The following CYP2W1 variants were observed in gnomAD, a reference collection of about 807,000 sequenced individuals.
CYP2W1 encodes cytochrome P450 family 2 subfamily W member 1, also known as cytochrome P450 2W1.
Under a neutral mutation model 44.9 loss-of-function variants are expected in CYP2W1, and 51 were observed. The observed-to-expected ratio is 1.14, with a 90% CI of 0.91 to 1.43. CYP2W1 has a LOEUF of 1.43. Ranked by LOEUF, CYP2W1 falls within the 40% of genes most tolerant of loss-of-function variation. The pLI is 0.00. For missense variants in CYP2W1, 746 were observed against 700.0 expected (o/e 1.07, Z -0.74); for synonymous variants, 383 against 338.3 (o/e 1.13, Z -1.45).
intron 1 of CYP2W1, among the ~76,000 whole-genome samples, 159 bp from the exon 2 acceptor site, chr7:984,253 C>A (rs1848147261): frequency 6.6e-6 from 1 of 152,252 alleles, no homozygotes; most frequent in Non-Finnish European, 1.5e-5. Flanking sequence ...GCCCCCTCCA[C>A]CCTGCACCAC....
Position 988,856 on chromosome 7 carries a change from T to C in CYP2W1, c.*34T>C. The C allele has an allele frequency of 7.8e-7, 1 of 1,289,968 alleles. No individual in the cohort carries two copies. The highest frequency in any genetic ancestry group is 1.4e-5 in the South Asian group (1 of 72,396). 79.9% of individuals were successfully genotyped at this position (1,289,968 alleles called of 1,614,324 possible). On this transcript the variant is annotated 3_prime_UTR_variant, in exon 9 of 9. Coordinates refer to ENST00000308919, the MANE Select transcript of CYP2W1 (RefSeq NM_017781.3). ...CCAGCCCCCAGGTCCTCCTGACCAC[T>C]CCCCTCCCAGCCCTGGGTCCTCCCA...
rs541005563 is a variant in CYP2W1, at chr7:987,629, G to A, written c.1143+98G>A. The A allele has an allele frequency of 1.5e-4, 180 of 1,211,192 alleles. No homozygotes were observed. The South Asian group carries it at 2.7e-3, about 18-fold the overall frequency. 75.0% of individuals were successfully genotyped at this position (1,211,192 alleles called of 1,614,324 possible). A position where few individuals can be genotyped will look rare whatever the true frequency, so the allele number is the denominator to read the frequency against. On this transcript the variant is annotated intron_variant, in intron 7 of 8. Coordinates refer to ENST00000308919, the MANE Select transcript of CYP2W1 (RefSeq NM_017781.3). ...ACGGCTGAGCGTCTGGTGGGTGCCTGATGGCCCAGCGCTCCCCGACCGGAG... is the reference window on the plus strand; with the variant it reads ...ACGGCTGAGCGTCTGGTGGGTGCCTAATGGCCCAGCGCTCCCCGACCGGAG...
Position 988,910 on chromosome 7 carries a change from A to G in CYP2W1, c.*88A>G, listed in dbSNP as rs1346258673. On this transcript the variant is annotated 3_prime_UTR_variant, in exon 9 of 9. Transcript: ENST00000308919. ...TCTCTCCTCCCACCCCACAGCTCGGACTGCTCTGGGAGGGCCCTGAGGACT... is the reference window on the plus strand; with the variant it reads ...TCTCTCCTCCCACCCCACAGCTCGGGCTGCTCTGGGAGGGCCCTGAGGACT... The G allele has an allele frequency of 8.3e-6, 7 of 846,396 alleles. No individual in the cohort carries two copies. The highest frequency in any genetic ancestry group is 1.7e-5 in the South Asian group (1 of 58,348). The allele number at this position is 846,396 out of a possible 1,614,324, so 52.4% of individuals were successfully genotyped here.
chr7:988,514 G>C, intron 8 of CYP2W1, 96 bp downstream of exon 8: 1 of 1,598,928 alleles, frequency 6.3e-7, no homozygotes, highest in Non-Finnish European at 8.5e-7. Context: ...CCCACCTCCT[G>C]ATCTCAGGTT....
chr7:985,475 C>T (rs1405329956), intron 4 of CYP2W1, 152 bp downstream of exon 4: 1 of 918,236 alleles, frequency 1.1e-6, no homozygotes, highest in Non-Finnish European at 1.6e-6. Context: ...AATCAGGACC[C>T]ATCCGACGTT....
rs991930893 is a variant in CYP2W1 at position 985,237 on chromosome 7, C to T, written c.559C>T (p.Arg187Ter). 6 of 1,552,826 alleles carry T rather than the reference C, an allele frequency of 3.9e-6. No individual in the cohort carries two copies. Among genetic ancestry groups the T allele is most frequent in the African/African-American group, 2.7e-5 (2 of 73,250 alleles). ...NITFALLFGR[R>*]FDYRDPVFVS... ...CACCTTCGCGCTCCTCTTCGGCCGC[C>T]GATTTGACTACCGGGACCCCGTGTT... Residue 187 changes from arginine to a stop codon, truncating the protein, a stop_gained, in exon 4 of 9, where the codon CGA becomes TGA. Coordinates refer to ENST00000308919, the MANE Select transcript of CYP2W1 (RefSeq NM_017781.3). LOFTEE classifies it high-confidence loss of function.
At chr7:983,751 C>T (rs537372030) in intron 1 of CYP2W1, among the ~76,000 whole-genome samples, 2 of 152,358 alleles carry the variant, frequency 1.3e-5, no homozygotes, top group Admixed American at 6.5e-5. Context: ...CAGCCCCCCT[C>T]GGCCCTCAGG....
intron 4 of CYP2W1, 77 bp from the exon 5 acceptor site, chr7:986,547 T>C: frequency 6.5e-7 from 1 of 1,546,754 alleles, no homozygotes; most frequent in Non-Finnish European, 8.8e-7. Context: ...ACACAGCCGC[T>C]GGGGACGATC....
Position 983,241 on chromosome 7 carries a change from C to A in CYP2W1, c.30C>A (p.Gly10=). 6.5e-7 allele frequency: 1 copy of A among 1,529,592 alleles called. No individual in the cohort carries two copies. Among genetic ancestry groups the A allele is most frequent in the African/African-American group, 1.4e-5 (1 of 72,614 alleles). 94.8% of individuals were successfully genotyped at this position (1,529,592 alleles called of 1,614,324 possible). The part of the protein sequence containing the change: MALLLLLFL[G]LLGLWGLLCA... ...CCCTGCTGCTCTTGCTGTTCCTGGG[C>A]CTCCTGGGGCTCTGGGGGCTGCTCT... Residue 10 remains glycine, a synonymous_variant, in exon 1 of 9, where the codon GGC becomes GGA. Transcript: ENST00000308919.
intron 7 of CYP2W1, 58 bp from the exon 8 acceptor site, chr7:988,219 C>G (rs1848540906): frequency 6.6e-7 from 1 of 1,523,342 alleles, no homozygotes; most frequent in Non-Finnish European, 8.9e-7. Flanking sequence ...CTTCCCAACC[C>G]AGGCCCCATC....
intron 1 of CYP2W1, among the ~76,000 whole-genome samples, chr7:983,790 G>A (rs1053709178): frequency 6.6e-6 from 1 of 152,202 alleles, no homozygotes; most frequent in Non-Finnish European, 1.5e-5. Flanking sequence ...TCCCACTTTT[G>A]AGCCTCTGTT....
Position 988,668 on chromosome 7 carries a change from G to C in CYP2W1, c.1319G>C (p.Arg440Thr). ...RRVCVGERLA[R>T]TELFLLFAGL... ...GTCTGTGTTGGGGAGCGCCTGGCCA[G>C]GACCGAGCTCTTCCTGCTGTTTGCC... Residue 440 changes from arginine (R) to threonine (T), a missense_variant, in exon 9 of 9, where the codon AGG becomes ACG. By Grantham distance (71) the Arg-to-Thr change is moderately conservative. Transcript: ENST00000308919. 6.2e-7 allele frequency: 1 copy of C among 1,601,012 alleles called. No individual in the cohort carries two copies. Among genetic ancestry groups the C allele is most frequent in the South Asian group, 1.1e-5 (1 of 91,070 alleles).
intron 4 of CYP2W1, 66 bp downstream of exon 4, chr7:985,389 AC>A: frequency 6.6e-7 from 1 of 1,514,070 alleles, no homozygotes; most frequent in Non-Finnish European, 8.9e-7. Flanking sequence ...CAGCAGGAGG[AC>A]GGGGGCCCCA....
At chr7:985,372 G>A (rs1224317729) in intron 4 of CYP2W1, 49 bp downstream of exon 4, 2 of 1,530,536 alleles carry the variant, frequency 1.3e-6, no homozygotes, top group Admixed American at 2.0e-5. Context: ...CTGGAGTGAT[G>A]GGCGTGCAGC....
In CYP2W1 at chr7:988,739, C is replaced by G. The variant is rs752623475; in HGVS notation, c.1390C>G (p.Pro464Ala). Residue 464 changes from proline to alanine, a missense_variant, in exon 9 of 9, where the codon CCG becomes GCG. Physicochemically the swap from Pro to Ala is conservative, Grantham distance 27 (BLOSUM62 -1). Coordinates refer to ENST00000308919, the MANE Select transcript of CYP2W1 (RefSeq NM_017781.3). ...YRLLPPPGVS[P>A]ASLDTTPARA... ...CCTGCTGCCCCCGCCTGGCGTCAGT[C>G]CGGCCTCCCTGGACACCACGCCCGC... 3.9e-5 allele frequency: 63 copies of G among 1,599,356 alleles called. No homozygotes were observed. The highest frequency in any genetic ancestry group is 5.3e-5 in the Non-Finnish European group (63 of 1,179,574).
Position 983,325 on chromosome 7 carries a change from G to T in CYP2W1, c.114G>T (p.Leu38=). 1 of 1,539,422 alleles carries T rather than the reference G, an allele frequency of 6.5e-7. No individual in the cohort carries two copies. Among genetic ancestry groups the T allele is most frequent in the Non-Finnish European group, 8.7e-7 (1 of 1,144,616 alleles). ...AARWPPGPRP[L]PLVGNLHLLR... ...GGTGGCCCCCGGGGCCTCGCCCGCT[G>T]CCGCTCGTCGGGAACCTGCACTTGC... Residue 38 remains leucine, a synonymous_variant, in exon 1 of 9, where the codon CTG becomes CTT. Coordinates refer to ENST00000308919, the MANE Select transcript of CYP2W1 (RefSeq NM_017781.3).
Position 989,038 on chromosome 7 carries a change from T to C in CYP2W1, c.*216T>C. The C allele has an allele frequency of 1.9e-6, 1 of 521,370 alleles. No individual in the cohort carries two copies. The allele number at this position is 521,370 out of a possible 1,614,324, so 32.3% of individuals were successfully genotyped here. A position where few individuals can be genotyped will look rare whatever the true frequency, so the allele number is the denominator to read the frequency against. ...GGACCCCCACCCCTCTGATGCTGTC[T>C]GCAGCTCAGTCCCTGCCAGCCCCCA... On this transcript the variant is annotated 3_prime_UTR_variant, in exon 9 of 9. Coordinates refer to ENST00000308919, the MANE Select transcript of CYP2W1 (RefSeq NM_017781.3).
At chr7:987,596 G>T in intron 7 of CYP2W1, 65 bp downstream of exon 7, 1 of 1,401,800 alleles carries the variant, frequency 7.1e-7, no homozygotes, top group Non-Finnish European at 9.4e-7. Flanking sequence ...GGGTCCAGGG[G>T]CACTGGGACG....
intron 2 of CYP2W1, 35 bp from the exon 3 acceptor site, chr7:984,915 A>T (rs764170566): frequency 1.3e-6 from 2 of 1,551,136 alleles, no homozygotes; most frequent in Non-Finnish European, 1.7e-6. Flanking sequence ...CTGGGGTGGG[A>T]ACCTGGGCTC....
Sources: gnomAD v4.1 joint callset for allele counts (sites outside exome capture counted in the v4.1 genomes callset) on GRCh38, gnomAD v4.1.1 for gene constraint, MANE v1.5 for transcripts, NCBI Gene and HGNC (gene_info 2026-07-23, HGNC 2026-07-21) for gene names.